The following BMPER variants were observed in gnomAD, a reference collection of about 807,000 sequenced individuals.
BMPER encodes the protein BMP binding endothelial regulator.
BMPER carries 45 observed loss-of-function variants against 87.3 expected under a neutral mutation model. That is an observed-to-expected ratio of 0.52 (90% CI 0.41 to 0.66). BMPER has a LOEUF of 0.66. Ranked by LOEUF, BMPER falls within the 30% of genes least tolerant of loss-of-function variation. The pLI, the probability that BMPER is intolerant of heterozygous loss-of-function variation, is 0.00. For synonymous variants in BMPER, 326 were observed against 316.2 expected (o/e 1.03, Z -0.33); for missense variants, 784 against 867.5 (o/e 0.90, Z 1.21).
At position 34,057,239 on chromosome 7, in the gene BMPER, G is replaced by C. The variant is rs1443561521; in HGVS notation, c.928-820G>C. On this transcript the variant is annotated intron_variant, in intron 9 of 14. Coordinates refer to ENST00000649409, the MANE Select transcript of BMPER (RefSeq NM_001365308.1). ...GTTTTGTTTTCAGCCCAACTCTGTT[G>C]TCTGTGATCTTTTTTACCCACAAGC... Among the ~76,000 whole-genome samples, 3 of 152,188 alleles carry C rather than the reference G, an allele frequency of 2.0e-5. No homozygotes were observed. The East Asian group carries it at 5.8e-4, about 29-fold the overall frequency.
chr7:34,113,029 A>T (rs2058677), intron 13 of BMPER, among the ~76,000 whole-genome samples: 113,703 of 150,932 alleles, frequency 0.75, 43,603 homozygotes, highest in East Asian at 0.95. Flanking sequence ...ATATATAAAA[A>T]ATACAAAATA....
chr7:34,032,829 G>C (rs527873600), intron 6 of BMPER, among the ~76,000 whole-genome samples: 11 of 152,190 alleles, frequency 7.2e-5, no homozygotes, highest in Non-Finnish European at 1.3e-4. Context: ...ATTAGTGTTG[G>C]AGTGAGAACA....
Position 33,911,800 on chromosome 7 carries a change from G to C in BMPER, c.219+4897G>C, listed in dbSNP as rs192221614. The stretch of plus-strand genomic sequence containing the variant: ...AAAGTTTGGCCTGGGGCTTGGCATA[G>C]AGTAAACACTCTGGAATGATTTTTT... On this transcript the variant is annotated intron_variant, in intron 2 of 14. Coordinates refer to ENST00000649409, the MANE Select transcript of BMPER (RefSeq NM_001365308.1). Among the ~76,000 whole-genome samples the C allele has an allele frequency of 1.2e-3, 178 of 152,262 alleles. 2 individuals are homozygous for C. Among genetic ancestry groups the C allele is most frequent in the Non-Finnish European group, 2.3e-3 (157 of 68,012 alleles).
intron 14 of BMPER, among the ~76,000 whole-genome samples, chr7:34,144,232 AT>A (rs764385425): frequency 1.1e-4 from 16 of 152,054 alleles, no homozygotes; most frequent in Non-Finnish European, 2.4e-4. Flanking sequence ...AATTATTAGC[AT>A]GCTCTCAAAG....
chr7:34,012,317 AC>A (rs1230332489), intron 6 of BMPER, among the ~76,000 whole-genome samples: 4 of 151,912 alleles, frequency 2.6e-5, no homozygotes, highest in Non-Finnish European at 5.9e-5. Context: ...ATCCCCCCAA[AC>A]ATCAAAGGAT....
At chr7:33,989,407 A>G (rs960446427) in intron 6 of BMPER, among the ~76,000 whole-genome samples, 2 of 152,048 alleles carry the variant, frequency 1.3e-5, no homozygotes, top group Non-Finnish European at 2.9e-5. Flanking sequence ...GGCTGCATAA[A>G]TGTCTTCTTT....
chr7:34,086,171 C>A, intron 13 of BMPER, 79 bp downstream of exon 13: 1 of 1,495,698 alleles, frequency 6.7e-7, no homozygotes, highest in Non-Finnish European at 9.2e-7. Flanking sequence ...TGTATGAAAT[C>A]TCTTGTTGTG....
intron 14 of BMPER, 152 bp from the exon 15 acceptor site, chr7:34,152,940 G>T: frequency 1.2e-6 from 1 of 857,596 alleles, no homozygotes. Context: ...AGAATGTTGG[G>T]TGTTTGTCAT....
At chr7:34,123,036 A>G (rs1201713020) in intron 13 of BMPER, among the ~76,000 whole-genome samples, 3 of 152,174 alleles carry the variant, frequency 2.0e-5, no homozygotes, top group Admixed American at 1.3e-4. Flanking sequence ...AAAGTGAACT[A>G]AAATTATTTT....
intron 6 of BMPER, among the ~76,000 whole-genome samples, chr7:33,977,473 G>T (rs1460391141): frequency 6.6e-6 from 1 of 152,172 alleles, no homozygotes; most frequent in Admixed American, 6.5e-5. Context: ...GGTGTGAGGT[G>T]CCATCTTGCG....
intron 3 of BMPER, chr7:33,937,652 T>G (rs1784639930): frequency 2.1e-6 from 1 of 477,486 alleles, no homozygotes; most frequent in Non-Finnish European, 3.9e-6. Flanking sequence ...TAAGGCAGGT[T>G]GTTAAAATGT....
intron 6 of BMPER, among the ~76,000 whole-genome samples, chr7:33,991,424 C>T (rs1201163555): frequency 6.6e-6 from 1 of 152,052 alleles, no homozygotes; most frequent in Non-Finnish European, 1.5e-5. Flanking sequence ...GTAGTATTCT[C>T]TGATGGTAGT....
intron 3 of BMPER, among the ~76,000 whole-genome samples, chr7:33,950,195 G>A (rs948853622): frequency 2.0e-5 from 3 of 152,068 alleles, no homozygotes; most frequent in Non-Finnish European, 2.9e-5. Flanking sequence ...TCTAAAGTGG[G>A]CCAAGTTGCG....
intron 6 of BMPER, among the ~76,000 whole-genome samples, chr7:34,033,205 A>G (rs533733485): frequency 5.3e-5 from 8 of 152,308 alleles, no homozygotes; most frequent in African/African-American, 1.9e-4. Context: ...ATAACAAAAA[A>G]CATTTAATGT....
At position 33,906,901 on chromosome 7, in the gene BMPER, T is replaced by C. The variant is rs1203821390; in HGVS notation, c.217T>C (p.Leu73=). The C allele has an allele frequency of 6.2e-7, 1 of 1,611,504 alleles. No homozygotes were observed. Among genetic ancestry groups the C allele is most frequent in the Admixed American group, 1.7e-5 (1 of 60,018 alleles). ...TDNPCIMCVC[L]NKEVTCKREK... is the part of the protein sequence containing the mutation. ...CAACCCTTGCATAATGTGTGTCTGC[T>C]TGGTAAGTGTGGAGATCAGGTAATA... The change falls in exon 2 of 15, where the codon TTG becomes CTG. Residue 73 remains leucine (L), a splice_region_variant and synonymous_variant. Transcript: ENST00000649409.
At chr7:33,967,290 A>T (rs1435083883) in intron 4 of BMPER, among the ~76,000 whole-genome samples, 1 of 152,254 alleles carries the variant, frequency 6.6e-6, no homozygotes, top group East Asian at 1.9e-4. Context: ...CTTCGTAGAA[A>T]AGGTGCTGTT....
chr7:33,948,083 A>G (rs1317792218), intron 3 of BMPER, among the ~76,000 whole-genome samples: 1 of 152,134 alleles, frequency 6.6e-6, no homozygotes, highest in African/African-American at 2.4e-5. Context: ...ATTACCATGC[A>G]TTGTCTGCTG....
chr7:33,927,684 C>T (rs531127834), intron 2 of BMPER, among the ~76,000 whole-genome samples: 3 of 152,046 alleles, frequency 2.0e-5, no homozygotes, highest in Non-Finnish European at 4.4e-5. Flanking sequence ...TCTTTACCCC[C>T]ACTCCCCACT....
At position 33,995,004 on chromosome 7, in the gene BMPER, AC is replaced by A. The variant is rs147695944; in HGVS notation, c.576+20221del. 8.1e-3 allele frequency among the ~76,000 whole-genome samples: 1,239 copies of A among 152,346 alleles called. 7 individuals are homozygous for A. The highest frequency in any genetic ancestry group is 0.02 in the Middle Eastern group (6 of 294). On this transcript the variant is annotated intron_variant, in intron 6 of 14. Transcript: ENST00000649409. ...AAATTTTTTCTTATAGGTCACTGAT[AC>A]ATTTTAAAATGTACATCTTAAAATT...
Sources: allele counts gnomAD v4.1 joint callset (sites outside exome capture counted in the v4.1 genomes callset), GRCh38; gene constraint gnomAD v4.1.1; transcripts MANE v1.5; gene names NCBI Gene and HGNC (gene_info 2026-07-23, HGNC 2026-07-21).